The following CYRIB variants were observed in gnomAD, a reference collection of about 807,000 sequenced individuals.
CYRIB encodes CYFIP related Rac1 interactor B.
Under a neutral mutation model 44.2 loss-of-function variants are expected in CYRIB, and 8 were observed. The observed-to-expected ratio is 0.18, with a 90% CI of 0.11 to 0.33. The LOEUF is 0.33. CYRIB is among the 10% of genes least tolerant of loss of function. The pLI, the probability that CYRIB is intolerant of heterozygous loss-of-function variation, is 1.00. For missense variants in CYRIB, 185 were observed against 382.8 expected (o/e 0.48, Z 4.31); for synonymous variants, 131 against 127.2 (o/e 1.03, Z -0.20).
exon 12 of CYRIB, chr8:129,840,508 T>C (rs1301542363): frequency 6.6e-6 from 1 of 152,242 alleles, no homozygotes; most frequent in Non-Finnish European, 1.5e-5. Flanking sequence ...TCCCAGTGAA[T>C]GTATCTCCTG....
intron 2 of CYRIB, among the ~76,000 whole-genome samples, chr8:129,958,805 C>A (rs1425013187): frequency 6.6e-6 from 1 of 151,316 alleles, no homozygotes; most frequent in African/African-American, 2.4e-5. Flanking sequence ...GTGGCTCACG[C>A]CTGTAATCCC....
chr8:129,852,162 C>T, exon 8 of CYRIB: 1 of 1,539,266 alleles, frequency 6.5e-7, no homozygotes, highest in South Asian at 1.2e-5. Context: ...CAATGCTTAC[C>T]TCTGATACAA....
Position 129,968,802 on chromosome 8 carries a change from T to G in CYRIB, c.-243+2141A>C, listed in dbSNP as rs529376822. ...TCAAGTCAAGCTTCCTCTCTATTTC[T>G]CCAAGTATTGAAGTTTTTCTAGCCC... On this transcript the variant is annotated intron_variant, in intron 2 of 14. Coordinates refer to the CYRIB transcript ENST00000401979. 7.2e-5 allele frequency among the ~76,000 whole-genome samples: 11 copies of G among 152,246 alleles called. No homozygotes were observed. The South Asian group carries it at 2.3e-3, about 32-fold the overall frequency.
chr8:129,864,504 G>A (rs2052240278), intron 4 of CYRIB: 2 of 166,806 alleles, frequency 1.2e-5, no homozygotes, highest in African/African-American at 2.4e-5. Context: ...CCATCCAGGA[G>A]GCATGGAGGA....
chr8:129,997,119 A>AGGAGGAGG (rs1554770832), intron 1 of CYRIB, among the ~76,000 whole-genome samples: 2,542 of 89,780 alleles, frequency 0.028, 55 homozygotes, highest in Middle Eastern at 0.048. Context: ...GGAAGGAAGG[A>AGGAGGAGG]AGGAGGAGGA....
chr8:129,902,196 T>C (rs1589193545), intron 2 of CYRIB, among the ~76,000 whole-genome samples: 1 of 152,118 alleles, frequency 6.6e-6, no homozygotes, highest in Non-Finnish European at 1.5e-5. Flanking sequence ...AATAAAATGA[T>C]GGGCTGGATT....
At chr8:129,997,406 T>C (rs1166498944) in intron 1 of CYRIB, among the ~76,000 whole-genome samples, 3 of 152,216 alleles carry the variant, frequency 2.0e-5, no homozygotes, top group Non-Finnish European at 2.9e-5. Context: ...TCAGGGTCTA[T>C]AAACACAGAC....
chr8:129,849,568 G>A lies in CYRIB; in HGVS notation c.714-199C>T. The A allele has an allele frequency of 8.7e-6, 4 of 460,552 alleles. No individual in the cohort carries two copies. In the South Asian group the frequency reaches 9.3e-5, roughly 11 times the overall value. 28.5% of individuals were successfully genotyped at this position (460,552 alleles called of 1,614,324 possible). A position where few individuals can be genotyped will look rare whatever the true frequency, so the allele number is the denominator to read the frequency against. On this transcript the variant is annotated intron_variant, in intron 9 of 11. Transcript: ENST00000519824. ...TCCTTTCCAAATCAACCCCCTGAAA[G>A]GGATATAAAATTCTTTAATGAGGTG...
intron 1 of CYRIB, among the ~76,000 whole-genome samples, chr8:129,979,479 G>A (rs929375009): frequency 5.3e-5 from 8 of 152,138 alleles, no homozygotes; most frequent in Non-Finnish European, 7.3e-5. Context: ...CTATTAGCTG[G>A]AAACTTCCTC....
intron 3 of CYRIB, among the ~76,000 whole-genome samples, chr8:129,874,607 C>G (rs1455207014): frequency 6.6e-6 from 1 of 151,948 alleles, no homozygotes; most frequent in Non-Finnish European, 1.5e-5. Flanking sequence ...AAACTCAGTA[C>G]CTAGATTTTC....
intron 9 of CYRIB, chr8:129,850,410 G>T (rs1282429224): frequency 6.3e-6 from 1 of 158,900 alleles, no homozygotes; most frequent in African/African-American, 2.4e-5. Flanking sequence ...TAATTATTGA[G>T]AGAAAAAGGG....
chr8:130,003,039 G>T (rs1161612664), intron 1 of CYRIB, among the ~76,000 whole-genome samples: 1 of 152,224 alleles, frequency 6.6e-6, no homozygotes, highest in Non-Finnish European at 1.5e-5. Context: ...AATTACTCCA[G>T]AGGATTCTGA....
intron 1 of CYRIB, among the ~76,000 whole-genome samples, chr8:129,938,860 AAC>A (rs1238273541): frequency 6.6e-6 from 1 of 152,148 alleles, no homozygotes; most frequent in African/African-American, 2.4e-5. Flanking sequence ...ATGAGGTTAA[AAC>A]ACATACACAC....
At chr8:129,863,220 C>G (rs2050927006) in intron 4 of CYRIB, among the ~76,000 whole-genome samples, 1 of 152,130 alleles carries the variant, frequency 6.6e-6, no homozygotes, top group South Asian at 2.1e-4. Flanking sequence ...CTAAATCAAG[C>G]TGAAACTGTG....
chr8:129,869,025 C>T (rs1439071749), intron 4 of CYRIB, among the ~76,000 whole-genome samples: 1 of 143,138 alleles, frequency 7.0e-6, no homozygotes, highest in East Asian at 2.0e-4. Context: ...GAGCGAAACC[C>T]CATTAAAAAA....
chr8:129,906,041 G>C (rs1191205457), intron 1 of CYRIB, among the ~76,000 whole-genome samples: 3 of 152,048 alleles, frequency 2.0e-5, no homozygotes, highest in African/African-American at 7.3e-5. Flanking sequence ...GTAATTTATA[G>C]ATTCAATGCC....
At chr8:129,910,539 T>C (rs2077449161) in intron 1 of CYRIB, among the ~76,000 whole-genome samples, 1 of 148,412 alleles carries the variant, frequency 6.7e-6, no homozygotes, top group South Asian at 2.2e-4. Context: ...GGTTCCTGCC[T>C]ATAATTCCAA....
At chr8:129,889,941 T>C (rs2064447422) in intron 2 of CYRIB, among the ~76,000 whole-genome samples, 1 of 152,092 alleles carries the variant, frequency 6.6e-6, no homozygotes, top group Admixed American at 6.6e-5. Context: ...AGCCAGCTGA[T>C]TTTTTGTATT....
chr8:130,012,726 C>A (rs2097254811), intron 1 of CYRIB, among the ~76,000 whole-genome samples: 1 of 152,096 alleles, frequency 6.6e-6, no homozygotes, highest in Admixed American at 6.6e-5. Flanking sequence ...GCTGTAGGGC[C>A]CCAAAACCTT....
Sources: gnomAD v4.1 joint callset for allele counts (sites outside exome capture counted in the v4.1 genomes callset) on GRCh38, gnomAD v4.1.1 for gene constraint, MANE v1.5 for transcripts, NCBI Gene and HGNC (gene_info 2026-07-23, HGNC 2026-07-21) for gene names.